The following KCTD16 variants were observed in gnomAD, a reference collection of about 807,000 sequenced individuals.
The protein encoded by KCTD16 is potassium channel tetramerization domain containing 16.
KCTD16 carries 13 observed loss-of-function variants against 33.2 expected under a neutral mutation model. That is an observed-to-expected ratio of 0.39 (90% CI 0.25 to 0.62). KCTD16 has a LOEUF of 0.62. Ranked by LOEUF, KCTD16 falls within the 20% of genes least tolerant of loss-of-function variation. The pLI is 0.50. For missense variants in KCTD16, 441 were observed against 525.1 expected (o/e 0.84, Z 1.57); for synonymous variants, 197 against 195.3 (o/e 1.01, Z -0.07).
chr5:144,371,204 C>T (rs61677918), intron 3 of KCTD16, among the ~76,000 whole-genome samples: 2,027 of 152,128 alleles, frequency 0.013, 41 homozygotes, highest in African/African-American at 0.045. Flanking sequence ...CAAAGATGGG[C>T]GTACTAACCT....
chr5:144,474,170 A>G lies in KCTD16; in HGVS notation c.*56A>G. The G allele has an allele frequency of 7.5e-7, 1 of 1,339,314 alleles. No homozygotes were observed. The highest frequency in any genetic ancestry group is 1.4e-5 in the South Asian group (1 of 71,318). 83.0% of individuals were successfully genotyped at this position (1,339,314 alleles called of 1,614,324 possible). Reference sequence around the variant, plus strand: ...AAAGTCATTTTGAAATTAACCTCCTAAAAGGAATTCATATTTTAAAGGAAA... The same window carrying G: ...AAAGTCATTTTGAAATTAACCTCCTGAAAGGAATTCATATTTTAAAGGAAA... On this transcript the variant is annotated 3_prime_UTR_variant, in exon 4 of 4. Coordinates refer to ENST00000512467, the MANE Select transcript of KCTD16 (RefSeq NM_020768.4).
At chr5:144,348,308 CTTATTA>C (rs1263742152) in intron 3 of KCTD16, among the ~76,000 whole-genome samples, 2 of 150,398 alleles carry the variant, frequency 1.3e-5, no homozygotes, top group African/African-American at 2.5e-5. Context: ...TATGGCTGGC[CTTATTA>C]TTATTATCTC....
intron 3 of KCTD16, among the ~76,000 whole-genome samples, chr5:144,366,697 C>T (rs1392946500): frequency 6.6e-6 from 1 of 152,144 alleles, no homozygotes; most frequent in Non-Finnish European, 1.5e-5. Flanking sequence ...ATACTGCTAT[C>T]CTAGTCACAA....
chr5:144,219,513 CTTTTTTTTTTTT>C (rs59442398), intron 3 of KCTD16, among the ~76,000 whole-genome samples: 118 of 77,134 alleles, frequency 1.5e-3, no homozygotes, highest in African/African-American at 4.7e-3. Context: ...TGTGCTGGGC[CTTTTTTTTTTTT>C]TTTTTTTTTT....
chr5:144,205,465 G>T, intron 2 of KCTD16: 1 of 398,722 alleles, frequency 2.5e-6, no homozygotes, highest in Admixed American at 4.4e-5. Context: ...GCCCCCCGCC[G>T]GCATCTCTGC....
intron 3 of KCTD16, among the ~76,000 whole-genome samples, chr5:144,368,079 C>T (rs114583325): frequency 6.6e-6 from 1 of 151,914 alleles, no homozygotes; most frequent in African/African-American, 2.4e-5. Flanking sequence ...CAGCAGTCAG[C>T]GTAAGTAAGT....
intron 2 of KCTD16, among the ~76,000 whole-genome samples, chr5:144,181,351 C>T (rs61327954): frequency 0.29 from 44,691 of 151,918 alleles, 7,589 homozygotes; most frequent in African/African-American, 0.47. Context: ...GAATAGTGAA[C>T]GTTCTTGTGT....
chr5:144,409,436 T>C (rs1752883022), intron 3 of KCTD16, among the ~76,000 whole-genome samples: 1 of 152,146 alleles, frequency 6.6e-6, no homozygotes, highest in African/African-American at 2.4e-5. Flanking sequence ...ACTTGTGTTA[T>C]CCATCACTCA....
chr5:144,391,743 G>A (rs1752453929), intron 3 of KCTD16, among the ~76,000 whole-genome samples: 1 of 152,222 alleles, frequency 6.6e-6, no homozygotes, highest in African/African-American at 2.4e-5. Context: ...TTTGTAAACT[G>A]TGAAGTGTAA....
At chr5:144,409,504 G>A (rs570037431) in intron 3 of KCTD16, among the ~76,000 whole-genome samples, 1 of 152,078 alleles carries the variant, frequency 6.6e-6, no homozygotes, top group Non-Finnish European at 1.5e-5. Flanking sequence ...AAACAGCAAT[G>A]AGCAAGACCA....
chr5:144,274,148 C>G (rs1482167474), intron 3 of KCTD16, among the ~76,000 whole-genome samples: 1 of 151,518 alleles, frequency 6.6e-6, no homozygotes, highest in Non-Finnish European at 1.5e-5. Context: ...TTTTCTCTTT[C>G]TATTTATTGT....
intron 2 of KCTD16, among the ~76,000 whole-genome samples, chr5:144,202,611 G>A (rs1007117951): frequency 1.3e-5 from 2 of 152,130 alleles, no homozygotes; most frequent in Non-Finnish European, 2.9e-5. Context: ...TTGCTTTTCT[G>A]AGGTTCCATT....
intron 2 of KCTD16, among the ~76,000 whole-genome samples, chr5:144,184,134 G>C (rs1752679809): frequency 6.6e-6 from 1 of 152,072 alleles, no homozygotes; most frequent in Non-Finnish European, 1.5e-5. Flanking sequence ...AAAATTTGCT[G>C]TCTTAACTAT....
intron 3 of KCTD16, among the ~76,000 whole-genome samples, chr5:144,358,090 ATTTTTT>A (rs539287370): frequency 5.2e-5 from 6 of 114,438 alleles, no homozygotes; most frequent in African/African-American, 2.2e-4. Context: ...CACCCGGCTA[ATTTTTT>A]TTTTTTTTTT....
chr5:144,387,743 T>C (rs1265435044), intron 3 of KCTD16, among the ~76,000 whole-genome samples: 2 of 152,164 alleles, frequency 1.3e-5, no homozygotes, highest in African/African-American at 4.8e-5. Context: ...TGGGTTTCTA[T>C]GCCACTTAGA....
At chr5:144,222,138 A>G (rs937513745) in intron 3 of KCTD16, among the ~76,000 whole-genome samples, 1 of 151,882 alleles carries the variant, frequency 6.6e-6, no homozygotes, top group Non-Finnish European at 1.5e-5. Flanking sequence ...GAATTTTTTA[A>G]AGTTCTTTGT....
chr5:144,199,803 G>A (rs1435816546), intron 2 of KCTD16, among the ~76,000 whole-genome samples: 2 of 133,510 alleles, frequency 1.5e-5, no homozygotes, highest in Admixed American at 8.8e-5. Flanking sequence ...TGCAATCTCC[G>A]CCTTCCGGGT....
At chr5:144,456,122 C>A (rs1754055379) in intron 3 of KCTD16, among the ~76,000 whole-genome samples, 1 of 151,928 alleles carries the variant, frequency 6.6e-6, no homozygotes, top group South Asian at 2.1e-4. Flanking sequence ...GGAGCTTAAC[C>A]CTTTTCTCTA....
chr5:144,216,700 C>A (rs1225055301), intron 3 of KCTD16, among the ~76,000 whole-genome samples: 1 of 151,746 alleles, frequency 6.6e-6, no homozygotes, highest in Non-Finnish European at 1.5e-5. Context: ...AAAAATTAGC[C>A]GAGTATGGTG....
Sources: allele counts gnomAD v4.1 joint callset (sites outside exome capture counted in the v4.1 genomes callset), GRCh38; gene constraint gnomAD v4.1.1; transcripts MANE v1.5; gene names NCBI Gene and HGNC (gene_info 2026-07-23, HGNC 2026-07-21).